The following PRICKLE2 variants were observed in gnomAD, a reference collection of about 807,000 sequenced individuals.
PRICKLE2 encodes prickle-like protein 2.
A neutral mutation model predicts 81.4 loss-of-function variants in PRICKLE2; 21 were observed. That is an observed-to-expected ratio of 0.26 (90% CI 0.18 to 0.37). The LOEUF (loss-of-function observed/expected upper bound fraction) is 0.37. PRICKLE2 is among the 10% of genes least tolerant of loss of function. PRICKLE2 has a pLI of 1.00. For synonymous variants in PRICKLE2, 456 were observed against 421.5 expected (o/e 1.08, Z -1.00); for missense variants, 940 against 1,109.0 (o/e 0.85, Z 2.16).
At chr3:64,135,058 G>T (rs1315629921) in intron 7 of PRICKLE2, among the ~76,000 whole-genome samples, 1 of 152,196 alleles carries the variant, frequency 6.6e-6, no homozygotes, top group African/African-American at 2.4e-5. Context: ...CTCAATGTCA[G>T]AATCAGAAAC....
At chr3:64,233,308 T>C (rs1410164091) in intron 2 of PRICKLE2, among the ~76,000 whole-genome samples, 1 of 151,394 alleles carries the variant, frequency 6.6e-6, no homozygotes, top group Non-Finnish European at 1.5e-5. Flanking sequence ...GTCATCTTGA[T>C]TCTCTGAAAA....
chr3:64,214,185 A>T (rs1213744760), intron 1 of PRICKLE2, among the ~76,000 whole-genome samples: 1 of 152,180 alleles, frequency 6.6e-6, no homozygotes. Context: ...GGCAATGGTC[A>T]CACCCTTCAA....
chr3:64,227,548 A>G (rs1303696000), upstream of PRICKLE2, among the ~76,000 whole-genome samples: 1 of 152,242 alleles, frequency 6.6e-6, no homozygotes, highest in East Asian at 1.9e-4. Context: ...CCTGGAACAG[A>G]TGTGACACAT....
chr3:64,204,873 G>A (rs1049664199), intron 1 of PRICKLE2, among the ~76,000 whole-genome samples: 1 of 152,014 alleles, frequency 6.6e-6, no homozygotes, highest in East Asian at 1.9e-4. Flanking sequence ...CCTCAGAAGG[G>A]GGCAGAGGGT....
intron 2 of PRICKLE2, among the ~76,000 whole-genome samples, chr3:64,254,819 A>G (rs1028284668): frequency 7.2e-5 from 11 of 152,172 alleles, no homozygotes; most frequent in South Asian, 2.1e-4. Context: ...TACAGTTGAA[A>G]ATGAAGATTT....
chr3:64,199,209 C>T (rs1361118797), intron 1 of PRICKLE2: 2 of 594,678 alleles, frequency 3.4e-6, no homozygotes, highest in Non-Finnish European at 3.0e-6. Context: ...AGGGTGTTTA[C>T]ATGTGGACCC....
At position 64,099,750 on chromosome 3, in the gene PRICKLE2, C is replaced by A; in HGVS notation, c.1836G>T (p.Gln612His). ...AESVRSLLSAQQYQEMEGNLH... is the reference protein window; with the variant it reads ...AESVRSLLSAHQYQEMEGNLH... ...GGTTTCCCTCCATCTCCTGGTACTG[C>A]TGGGCAGAGAGCAGGCTGCGAACTG... Residue 612 changes from glutamine to histidine, a missense_variant, in exon 8 of 8, where the codon CAG (glutamine) becomes CAT (histidine). Physicochemically the swap from Gln to His is conservative, Grantham distance 24. Around this residue, in one of 2 missense-constraint regions of PRICKLE2, gnomAD observed 670 missense variants for 717.2 expected, o/e 0.93. Transcript: ENST00000638394. The surrounding 1 kb of genome is among the most constrained non-coding windows in gnomAD (Gnocchi z 4.3). 6.2e-7 allele frequency: 1 copy of A among 1,614,176 alleles called. No homozygotes were observed. The highest frequency in any genetic ancestry group is 1.1e-5 in the South Asian group (1 of 91,080).
chr3:64,203,141 C>G (rs1366242348), intron 1 of PRICKLE2, among the ~76,000 whole-genome samples: 1 of 152,178 alleles, frequency 6.6e-6, no homozygotes, highest in African/African-American at 2.4e-5. Context: ...GATTCCCCCA[C>G]TTTCTGCTTC....
intron 2 of PRICKLE2, among the ~76,000 whole-genome samples, chr3:64,264,279 T>C (rs1462746): frequency 0.64 from 97,135 of 151,868 alleles, 31,380 homozygotes; most frequent in Non-Finnish European, 0.66. Flanking sequence ...CCAACCCTCA[T>C]AGGGTTGTCG....
chr3:64,131,421 G>A (rs2077194740), intron 7 of PRICKLE2, among the ~76,000 whole-genome samples: 1 of 152,174 alleles, frequency 6.6e-6, no homozygotes, highest in South Asian at 2.1e-4. Context: ...TATCCAAAGA[G>A]CCCTGATAAC....
At chr3:64,146,412 C>T (rs2077452230) in intron 7 of PRICKLE2, 1 of 224,656 alleles carries the variant, frequency 4.5e-6, no homozygotes, top group Non-Finnish European at 9.0e-6. Context: ...CCTCAGCAGC[C>T]TATTAGAAGA....
chr3:64,104,868 T>A (rs2076729787), intron 7 of PRICKLE2: 1 of 152,260 alleles, frequency 6.6e-6, no homozygotes, highest in Non-Finnish European at 1.5e-5. Flanking sequence ...ATGCAGGGCA[T>A]GAACAGAAAG....
At chr3:64,175,118 T>C in intron 2 of PRICKLE2, 1 of 165,652 alleles carries the variant, frequency 6.0e-6, no homozygotes. Flanking sequence ...TCAAACTGTT[T>C]CCAAAGAATA....
chr3:64,206,800 A>T (rs1312886431), intron 1 of PRICKLE2, among the ~76,000 whole-genome samples: 1 of 152,244 alleles, frequency 6.6e-6, no homozygotes, highest in Non-Finnish European at 1.5e-5. Context: ...TTTTGTTTAA[A>T]ACAAGGGCTA....
intron 7 of PRICKLE2, among the ~76,000 whole-genome samples, chr3:64,119,269 C>G (rs1188085102): frequency 6.6e-6 from 1 of 152,080 alleles, no homozygotes; most frequent in Non-Finnish European, 1.5e-5. Context: ...CTAACGGGTA[C>G]TAGGCTTAAT....
intron 7 of PRICKLE2, among the ~76,000 whole-genome samples, chr3:64,131,966 T>C (rs746313780): frequency 6.6e-6 from 1 of 152,234 alleles, no homozygotes; most frequent in African/African-American, 2.4e-5. Flanking sequence ...ACTCCAAATA[T>C]AGCTCTTTCC....
At chr3:64,140,119 AATTCTTTCT>A (rs1361678025) in intron 7 of PRICKLE2, among the ~76,000 whole-genome samples, 7 of 152,308 alleles carry the variant, frequency 4.6e-5, no homozygotes, top group African/African-American at 1.7e-4. Context: ...CACTGTTCTA[AATTCTTTCT>A]ATGAACTCAC....
intron 2 of PRICKLE2, among the ~76,000 whole-genome samples, chr3:64,263,183 T>C (rs2079642258): frequency 6.6e-6 from 1 of 152,204 alleles, no homozygotes; most frequent in Admixed American, 6.5e-5. Context: ...AATATCACAG[T>C]AAGAGAACCA....
intron 1 of PRICKLE2, among the ~76,000 whole-genome samples, chr3:64,212,866 T>C (rs2078810603): frequency 6.6e-6 from 1 of 152,202 alleles, no homozygotes; most frequent in Admixed American, 6.5e-5. Context: ...TAGACCCTAC[T>C]AATCTATTTC....
Sources: gnomAD v4.1 joint callset for allele counts (sites outside exome capture counted in the v4.1 genomes callset) on GRCh38, gnomAD v4.1.1 for gene constraint, gnomAD v4.1.1 regional missense constraint, Gnocchi (gnomAD v3.1) non-coding constraint, MANE v1.5 for transcripts, NCBI Gene and HGNC (gene_info 2026-07-23, HGNC 2026-07-21) for gene names.